KANTR: variants seen among roughly 807,000 people sequenced by gnomAD.
KANTR encodes KDM5C adjacent transcript.
At chrX:53,100,373 G>C (rs10126966) in intron 2 of KANTR, among the ~76,000 whole-genome samples, 1 of 110,920 alleles carries the variant, frequency 9.0e-6, no homozygotes, top group African/African-American at 3.3e-5. Flanking sequence ...CCAGCTACTC[G>C]GGAGGCTGAG....
chrX:53,102,613 T>G (rs1488810503), intron 2 of KANTR, among the ~76,000 whole-genome samples: 1 of 112,125 alleles, frequency 8.9e-6, no homozygotes, highest in Non-Finnish European at 1.9e-5. Context: ...TAAGGTGGTG[T>G]CTGTCAGGTT....
chrX:53,105,171 A>G (rs782199449), intron 2 of KANTR, among the ~76,000 whole-genome samples: 2 of 111,529 alleles, frequency 1.8e-5, no homozygotes, highest in Non-Finnish European at 3.8e-5. Context: ...GGTATGAGCC[A>G]TGGTGCCCCG....
At chrX:53,102,144 C>T (rs1330172199) in intron 2 of KANTR, among the ~76,000 whole-genome samples, 1 of 112,341 alleles carries the variant, frequency 8.9e-6, no homozygotes, top group Non-Finnish European at 1.9e-5. Flanking sequence ...TAGATTTACT[C>T]AATACAACTT....
intron 2 of KANTR, among the ~76,000 whole-genome samples, chrX:53,134,477 C>A (rs1216390913): frequency 1.8e-5 from 2 of 111,891 alleles, no homozygotes; most frequent in African/African-American, 6.5e-5. Flanking sequence ...GCTTCTCAAA[C>A]TCTATAATGT....
downstream of KANTR, among the ~76,000 whole-genome samples, chrX:53,130,481 T>C (rs1170278543): frequency 1.8e-5 from 2 of 111,952 alleles, no homozygotes; most frequent in Admixed American, 1.9e-4. Context: ...ATGGGGATAG[T>C]AGTGTTACAG....
At chrX:53,134,367 A>G (rs1933395279) in intron 2 of KANTR, among the ~76,000 whole-genome samples, 1 of 110,993 alleles carries the variant, frequency 9.0e-6, no homozygotes, top group Admixed American at 9.7e-5. Flanking sequence ...TGTCTCAAAA[A>G]AAAAAAAAAT....
At chrX:53,122,659 G>A (rs930001704) in intron 2 of KANTR, among the ~76,000 whole-genome samples, 1 of 111,637 alleles carries the variant, frequency 9.0e-6, no homozygotes, top group Non-Finnish European at 1.9e-5. Flanking sequence ...AAAGGGTGTT[G>A]AATTTTTACC....
intron 1 of KANTR, among the ~76,000 whole-genome samples, chrX:53,095,301 CAT>C (rs781840968): frequency 1.1e-3 from 118 of 111,964 alleles, no homozygotes; most frequent in African/African-American, 3.6e-3. Context: ...TTTCTATTTC[CAT>C]CCTGAAATCC....
intron 2 of KANTR, among the ~76,000 whole-genome samples, chrX:53,117,498 T>C (rs1933143478): frequency 9.1e-6 from 1 of 110,100 alleles, no homozygotes; most frequent in Admixed American, 9.8e-5. Flanking sequence ...CCCTTTTTGA[T>C]ATATGGGATT....
At chrX:53,136,710 A>ATATATG (rs1193310493) in intron 2 of KANTR, among the ~76,000 whole-genome samples, 1 of 34,717 alleles carries the variant, frequency 2.9e-5, no homozygotes, top group Non-Finnish European at 6.8e-5. Flanking sequence ...ATATATATAT[A>ATATATG]TATATATATA....
chrX:53,104,011 G>A (rs986745026), intron 2 of KANTR, among the ~76,000 whole-genome samples: 2 of 110,550 alleles, frequency 1.8e-5, no homozygotes, highest in African/African-American at 6.6e-5. Context: ...ACTTCATTGA[G>A]ATGCATGTCG....
At chrX:53,104,482 C>T (rs185657643) in intron 2 of KANTR, among the ~76,000 whole-genome samples, 1 of 110,495 alleles carries the variant, frequency 9.1e-6, no homozygotes, top group Non-Finnish European at 1.9e-5. Context: ...CCGCCTCGGC[C>T]TCCCAAACAT....
intron 2 of KANTR, among the ~76,000 whole-genome samples, chrX:53,135,373 T>C (rs1933408295): frequency 9.0e-6 from 1 of 111,692 alleles, no homozygotes; most frequent in Admixed American, 9.5e-5. Flanking sequence ...AGCCACACTC[T>C]CCCTCCTTTT....
chrX:53,145,626 C>G (rs1368345953), downstream of KANTR, among the ~76,000 whole-genome samples: 4 of 112,301 alleles, frequency 3.6e-5, no homozygotes, highest in African/African-American at 1.3e-4. Flanking sequence ...TTAAATGTCC[C>G]TGTCTGACAG....
At chrX:53,141,032 A>G (rs1556818392) in intron 2 of KANTR, among the ~76,000 whole-genome samples, 1 of 111,561 alleles carries the variant, frequency 9.0e-6, no homozygotes, top group African/African-American at 3.3e-5. Flanking sequence ...GTGGTAGTGC[A>G]TGCCTATAAT....
chrX:53,104,295 C>T (rs1346534203), intron 2 of KANTR, among the ~76,000 whole-genome samples: 2 of 110,570 alleles, frequency 1.8e-5, no homozygotes, highest in African/African-American at 3.3e-5. Flanking sequence ...GGTACAATCT[C>T]GGCTCACTGC....
chrX:53,128,476 T>C (rs1933318266), downstream of KANTR, among the ~76,000 whole-genome samples: 1 of 111,628 alleles, frequency 9.0e-6, no homozygotes, highest in African/African-American at 3.3e-5. Context: ...AACTTTCTAA[T>C]GTTAAACTGC....
downstream of KANTR, among the ~76,000 whole-genome samples, chrX:53,145,932 G>A (rs1933570206): frequency 8.9e-6 from 1 of 112,396 alleles, no homozygotes; most frequent in Non-Finnish European, 1.9e-5. Flanking sequence ...TCCTACAGCT[G>A]AGGGTCCTGA....
At chrX:53,135,224 T>C (rs933556267) in intron 2 of KANTR, among the ~76,000 whole-genome samples, 21 of 112,168 alleles carry the variant, frequency 1.9e-4, no homozygotes, top group African/African-American at 6.8e-4. Context: ...TGTTGAACCA[T>C]GTCTTGGAAA....
Sources: gnomAD v4.1 joint callset for allele counts (sites outside exome capture counted in the v4.1 genomes callset) on GRCh38, gnomAD v4.1.1 for gene constraint, MANE v1.5 for transcripts, NCBI Gene and HGNC (gene_info 2026-07-23, HGNC 2026-07-21) for gene names.